The following HEXD variants were observed in gnomAD, a reference collection of about 807,000 sequenced individuals.
The protein encoded by HEXD is hexosaminidase D.
Under a neutral mutation model 54.2 loss-of-function variants are expected in HEXD, and 47 were observed. The observed-to-expected ratio is 0.87, with a 90% CI of 0.69 to 1.11. HEXD has a LOEUF of 1.11. Ranked by LOEUF, HEXD falls within the 50% of genes least tolerant of loss-of-function variation. The pLI is 0.00. For missense variants in HEXD, 576 were observed against 649.2 expected (o/e 0.89, Z 1.23); for synonymous variants, 293 against 287.6 (o/e 1.02, Z -0.19).
chr17:82,436,828 C>A, intron 7 of HEXD, 90 bp downstream of exon 7: 1 of 1,236,686 alleles, frequency 8.1e-7, no homozygotes. Flanking sequence ...CGGAACTGCC[C>A]AGCCTGGAGC....
intron 3 of HEXD, among the ~76,000 whole-genome samples, chr17:82,427,625 G>A (rs1567886060): frequency 6.6e-6 from 1 of 152,186 alleles, no homozygotes; most frequent in Non-Finnish European, 1.5e-5. Flanking sequence ...TCTTCCTACA[G>A]TGAAGACATT....
chr17:82,433,091 A>AATATATATAT (rs1555617646), intron 4 of HEXD, among the ~76,000 whole-genome samples: 5 of 13,234 alleles, frequency 3.8e-4, no homozygotes, highest in South Asian at 5.0e-3. Flanking sequence ...AAAAAAAAAA[A>AATATATATAT]ATATATATAT....
chr17:82,435,880 AAC>A lies in HEXD; in HGVS notation c.631+10_631+11del. 6.2e-7 allele frequency: 1 copy of A among 1,600,494 alleles called. No homozygotes were observed. Among genetic ancestry groups the A allele is most frequent in the Non-Finnish European group, 8.5e-7 (1 of 1,174,636 alleles). ...CTGAGGACCAGCTCGCAGGTCGGCC[AAC>A]AGGGCTGGGGGAGGGGGTGGGCCAC... On this transcript the variant is annotated intron_variant, in intron 6 of 12. Coordinates refer to ENST00000327949, the MANE Select transcript of HEXD (RefSeq NM_001330542.2).
At chr17:82,424,806 A>ATGGGAGAAGGCTGGACTACAGAAGG in intron 3 of HEXD, among the ~76,000 whole-genome samples, 1 of 152,240 alleles carries the variant, frequency 6.6e-6, no homozygotes, top group Non-Finnish European at 1.5e-5. Context: ...TCTTCTGTTG[A>ATGGGAGAAGGCTGGACTACAGAAGG]TGGGAGAAGG....
intron 9 of HEXD, chr17:82,440,055 T>C (rs1241569048): frequency 3.1e-6 from 4 of 1,306,846 alleles, no homozygotes; most frequent in Non-Finnish European, 4.0e-6. Flanking sequence ...CGAGCAGGTG[T>C]GGGGCTCAGG....
At position 82,439,729 on chromosome 17, in the gene HEXD, C is replaced by T; in HGVS notation, c.982+16C>T. On this transcript the variant is annotated intron_variant, in intron 9 of 12. Transcript: ENST00000327949. ...CTTCTACGCGGTATGTCTGGTCTGG[C>T]CACCCCAAGCCCCACCGGCCCCTCC... 4 of 1,599,224 alleles carry T rather than the reference C, an allele frequency of 2.5e-6. No homozygotes were observed. Among genetic ancestry groups the T allele is most frequent in the Non-Finnish European group, 3.4e-6 (4 of 1,179,670 alleles).
At chr17:82,441,744 C>A in intron 11 of HEXD, 56 bp from the exon 12 acceptor site, 1 of 1,345,750 alleles carries the variant, frequency 7.4e-7, no homozygotes, top group Non-Finnish European at 1.1e-6. Flanking sequence ...TACTGCAAAG[C>A]CGCCCCACGG....
At chr17:82,440,855 G>A (rs548519836) in intron 9 of HEXD, 142 bp from the exon 10 acceptor site, 25 of 878,464 alleles carry the variant, frequency 2.8e-5, no homozygotes, top group Admixed American at 7.0e-5. Flanking sequence ...CCTTGGGGCC[G>A]GCACACGCGG....
In HEXD at chr17:82,442,597, CAT is replaced by C. The variant is rs747941586; in HGVS notation, c.*214_*215del. 1.3e-6 allele frequency: 2 copies of C among 1,562,256 alleles called. No homozygotes were observed. The highest frequency in any genetic ancestry group is 3.6e-5 in the Admixed American group (2 of 55,506). Reference sequence around the variant, plus strand: ...ACAGGGAGACCCGCTTTGTGATCTGCATGTGTGACACTGATTCTTTGGAAATA... The same window carrying C: ...ACAGGGAGACCCGCTTTGTGATCTGCGTGTGACACTGATTCTTTGGAAATA... On this transcript the variant is annotated 3_prime_UTR_variant, in exon 13 of 13. Coordinates refer to ENST00000327949, the MANE Select transcript of HEXD (RefSeq NM_001330542.2). The surrounding 1 kb of genome is among the most constrained non-coding windows in gnomAD (Gnocchi z 6.8).
chr17:82,427,732 G>A (rs1056343188), intron 3 of HEXD, among the ~76,000 whole-genome samples: 4 of 152,204 alleles, frequency 2.6e-5, no homozygotes, highest in East Asian at 1.9e-4. Flanking sequence ...TCTATAGAAC[G>A]GATTAGCCTA....
At chr17:82,427,206 G>A (rs1475923204) in intron 3 of HEXD, 1 of 151,954 alleles carries the variant, frequency 6.6e-6, no homozygotes, top group African/African-American at 2.4e-5. Context: ...AGGAGGCTGA[G>A]GAAGGAGAAT....
At chr17:82,430,784 A>G (rs1003645474) in intron 4 of HEXD, among the ~76,000 whole-genome samples, 3 of 151,704 alleles carry the variant, frequency 2.0e-5, no homozygotes, top group African/African-American at 7.3e-5. Context: ...TATGTTCTAG[A>G]TGCAAGTCCT....
chr17:82,424,136 G>T (rs1000108156), intron 2 of HEXD, among the ~76,000 whole-genome samples: 1 of 152,154 alleles, frequency 6.6e-6, no homozygotes, highest in African/African-American at 2.4e-5. Context: ...TCCCTCCCAA[G>T]CTGAGCCACC....
At position 82,433,610 on chromosome 17, in the gene HEXD, C is replaced by T. The variant is rs7222855; in HGVS notation, c.283-48C>T. The T allele has an allele frequency of 2.5e-3, 3,622 of 1,469,030 alleles. 83 individuals carry two copies. The African/African-American group carries it at 0.049, about 20-fold the overall frequency. 91.0% of individuals were successfully genotyped at this position (1,469,030 alleles called of 1,614,324 possible). On this transcript the variant is annotated intron_variant, in intron 4 of 12. Transcript: ENST00000327949. ...AAGCCCCAGGTGGGCAGAAGGAGAT[C>T]AGTCCAGCTCCTCCGCCCCCAACGC...
At chr17:82,429,129 G>T (rs1484375296) in intron 4 of HEXD, among the ~76,000 whole-genome samples, 1 of 151,922 alleles carries the variant, frequency 6.6e-6, no homozygotes, top group South Asian at 2.1e-4. Context: ...GCATGGTGGC[G>T]GGCACCTGTA....
chr17:82,440,409 G>A (rs8065914), intron 9 of HEXD: 24 of 892,170 alleles, frequency 2.7e-5, no homozygotes, highest in South Asian at 2.0e-4. Context: ...GGGCAGAAAC[G>A]ATAAAAACAG....
At chr17:82,436,035 C>T (rs2053752627) in intron 6 of HEXD, among the ~76,000 whole-genome samples, 163 bp downstream of exon 6, 2 of 152,358 alleles carry the variant, frequency 1.3e-5, no homozygotes, top group East Asian at 1.9e-4. Flanking sequence ...AGGCCTGAGT[C>T]GTTTCCCTAG....
chr17:82,436,193 G>A (rs1451273890), intron 6 of HEXD, among the ~76,000 whole-genome samples: 1 of 152,236 alleles, frequency 6.6e-6, no homozygotes, highest in Non-Finnish European at 1.5e-5. Context: ...TCCAGCCCCT[G>A]GGCCCTGCTC....
In HEXD at chr17:82,435,732, A is replaced by T. The variant is rs775988654; in HGVS notation, c.491A>T (p.Gln164Leu). 1.9e-6 allele frequency: 3 copies of T among 1,612,890 alleles called. No individual in the cohort carries two copies. Among genetic ancestry groups the T allele is most frequent in the Non-Finnish European group, 2.5e-6 (3 of 1,179,790 alleles). The change falls in exon 6 of 13, where the codon CAG becomes CTG. Residue 164 changes from glutamine (Q) to leucine (L), a missense_variant. Physicochemically the swap from Gln to Leu is moderately radical, Grantham distance 113. Transcript: ENST00000327949. ...GEGEASRRWL[Q>L]QEQNSTGKLC... Reference sequence around the variant, plus strand: ...GGGGAGGCCTCGCGCCGGTGGCTACAGCAAGAGCAGAACAGCACGGGGAAG... The same window carrying T: ...GGGGAGGCCTCGCGCCGGTGGCTACTGCAAGAGCAGAACAGCACGGGGAAG...
Sources: gnomAD v4.1 joint callset for allele counts (sites outside exome capture counted in the v4.1 genomes callset) on GRCh38, gnomAD v4.1.1 for gene constraint, Gnocchi (gnomAD v3.1) non-coding constraint, MANE v1.5 for transcripts, NCBI Gene and HGNC (gene_info 2026-07-23, HGNC 2026-07-21) for gene names.